The following CD109 variants were observed in gnomAD, a reference collection of about 807,000 sequenced individuals.
The protein encoded by CD109 is CD109 antigen.
In CD109, 149 loss-of-function variants were observed where a neutral mutation model predicts 165.8. The observed-to-expected ratio is 0.90, with a 90% confidence interval of 0.79 to 1.03. The LOEUF is 1.03. Among genes scored for constraint, CD109 ranks in the 50% least tolerant of loss-of-function variants. CD109 has a pLI of 0.00. For missense variants in CD109, 1,712 were observed against 1,677.8 expected (o/e 1.02, Z -0.36); for synonymous variants, 585 against 592.1 (o/e 0.99, Z 0.18).
At position 73,787,469 on chromosome 6, in the gene CD109, T is replaced by C; in HGVS notation, c.2556+17T>C. On this transcript the variant is annotated intron_variant, in intron 21 of 32. Transcript: ENST00000287097. ...TTAGTAAAGGTAAATATTTGATGTCTGAAAGAAGTGAAATGGAAATACGTA... is the reference window on the plus strand; with the variant it reads ...TTAGTAAAGGTAAATATTTGATGTCCGAAAGAAGTGAAATGGAAATACGTA... 1 of 1,557,392 alleles carries C rather than the reference T, an allele frequency of 6.4e-7. No homozygotes were observed. Among genetic ancestry groups the C allele is most frequent in the African/African-American group, 1.4e-5 (1 of 73,032 alleles).
chr6:73,808,003 A>G (rs1582193953), intron 25 of CD109, 80 bp from the exon 26 acceptor site: 1 of 1,269,714 alleles, frequency 7.9e-7, no homozygotes, highest in East Asian at 2.4e-5. Flanking sequence ...TTTTAAATGC[A>G]TGTTTCAAAG....
chr6:73,707,967 TATA>T (rs1562021817), intron 2 of CD109, among the ~76,000 whole-genome samples: 7 of 1,990 alleles, frequency 3.5e-3, no homozygotes, highest in African/African-American at 4.5e-3. Flanking sequence ...TATCTTTATA[TATA>T]TATATATATA....
At chr6:73,711,529 T>A in intron 2 of CD109, among the ~76,000 whole-genome samples, 1 of 22,342 alleles carries the variant, frequency 4.5e-5, no homozygotes, top group Admixed American at 7.0e-4. Context: ...AAAATCGTAC[T>A]TTAAGTTTTT....
At position 73,756,689 on chromosome 6, in the gene CD109, G is replaced by C; in HGVS notation, c.673+7G>C. The C allele has an allele frequency of 6.5e-7, 1 of 1,527,040 alleles. No individual in the cohort carries two copies. The allele number at this position is 1,527,040 out of a possible 1,614,324, so 94.6% of individuals were successfully genotyped here. A position where few individuals can be genotyped will look rare whatever the true frequency, so the allele number is the denominator to read the frequency against. ...TTTCAGGTTTCAGAATATGGTAAGAGTTCCTCAATCTATTTTGGAAGAAAA... is the reference window on the plus strand; with the variant it reads ...TTTCAGGTTTCAGAATATGGTAAGACTTCCTCAATCTATTTTGGAAGAAAA... On this transcript the variant is annotated splice_region_variant and intron_variant, in intron 6 of 32. Coordinates refer to ENST00000287097, the MANE Select transcript of CD109 (RefSeq NM_133493.5).
chr6:73,779,742 G>C (rs1435600688), intron 15 of CD109, among the ~76,000 whole-genome samples: 1 of 151,940 alleles, frequency 6.6e-6, no homozygotes, highest in Non-Finnish European at 1.5e-5. Context: ...TATATACCTA[G>C]GAGTGGAATT....
intron 2 of CD109, among the ~76,000 whole-genome samples, chr6:73,700,884 C>G (rs923188140): frequency 7.0e-6 from 1 of 142,292 alleles, no homozygotes; most frequent in African/African-American, 2.6e-5. Context: ...TCACTGCAAC[C>G]TCTGCCTCCC....
At chr6:73,747,047 C>A (rs1180578704) in intron 5 of CD109, among the ~76,000 whole-genome samples, 1 of 152,158 alleles carries the variant, frequency 6.6e-6, no homozygotes, top group Admixed American at 6.5e-5. Flanking sequence ...CTGTGCCCAT[C>A]TCATGCTTAT....
chr6:73,827,746 A>G lies in CD109; in HGVS notation c.*4113A>G, dbSNP rs1269359030. 1 of 152,220 alleles carries G rather than the reference A, an allele frequency of 6.6e-6. No homozygotes were observed. Among genetic ancestry groups the G allele is most frequent in the Non-Finnish European group, 1.5e-5 (1 of 68,038 alleles). 9.4% of individuals were successfully genotyped at this position (152,220 alleles called of 1,614,324 possible). A position where few individuals can be genotyped will look rare whatever the true frequency, so the allele number is the denominator to read the frequency against. On this transcript the variant is annotated 3_prime_UTR_variant, in exon 33 of 33. Coordinates refer to ENST00000287097, the MANE Select transcript of CD109 (RefSeq NM_133493.5). Reference sequence around the variant, plus strand: ...TTGTCATTTTCATTTCAGTTGTAACATAGGAAAATAGATATTTCCTAGATG... The same window carrying G: ...TTGTCATTTTCATTTCAGTTGTAACGTAGGAAAATAGATATTTCCTAGATG...
At chr6:73,692,206 T>C (rs1054970984), upstream of CD109, among the ~76,000 whole-genome samples, 5 of 151,986 alleles carry the variant, frequency 3.3e-5, no homozygotes, top group African/African-American at 1.2e-4. Flanking sequence ...GGGACACAGA[T>C]CCAAACCATA....
Position 73,730,579 on chromosome 6 carries a change from G to A in CD109, c.507+5G>A, listed in dbSNP as rs1188850503. 1.9e-6 allele frequency: 3 copies of A among 1,574,478 alleles called. No individual in the cohort carries two copies. The highest frequency in any genetic ancestry group is 1.1e-5 in the South Asian group (1 of 89,858). ...TCTTTAAACATTCTCATTAAGGTAA[G>A]TGCCAGACAGAAATGAAGCAAGGAA... On this transcript the variant is annotated splice_donor_5th_base_variant and intron_variant, in intron 4 of 32. Transcript: ENST00000287097.
At chr6:73,810,673 AAAAATCATTGTAC>A (rs945212991) in intron 27 of CD109, among the ~76,000 whole-genome samples, 1 of 138,560 alleles carries the variant, frequency 7.2e-6, no homozygotes, top group African/African-American at 2.5e-5. Flanking sequence ...TGTGGTATAA[AAAAATCATTGTAC>A]AGAAATCCAT....
chr6:73,758,892 G>T, intron 6 of CD109, 52 bp from the exon 7 acceptor site: 1 of 917,302 alleles, frequency 1.1e-6, no homozygotes. Context: ...ATTTACCCTT[G>T]CTTCTTCGTC....
intron 23 of CD109, among the ~76,000 whole-genome samples, chr6:73,801,879 G>C (rs1775369660): frequency 6.6e-6 from 1 of 152,178 alleles, no homozygotes; most frequent in African/African-American, 2.4e-5. Context: ...GCTAATAGTG[G>C]AATTGTGTAA....
Position 73,697,577 on chromosome 6 carries a change from G to A in CD109, c.247+5G>A. On this transcript the variant is annotated splice_donor_5th_base_variant and intron_variant, in intron 2 of 32. Transcript: ENST00000287097. ...CAGAAGGAGTCTTTGAAAAAGGTAA[G>A]ATAAACAGCATAAAGTCTTACCCTT... 2 of 1,612,364 alleles carry A rather than the reference G, an allele frequency of 1.2e-6. No homozygotes were observed. The highest frequency in any genetic ancestry group is 1.7e-4 in the Middle Eastern group (1 of 6,054).
intron 5 of CD109, 54 bp from the exon 6 acceptor site, chr6:73,756,589 A>G (rs1773400052): frequency 8.0e-7 from 1 of 1,244,078 alleles, no homozygotes; most frequent in Admixed American, 2.6e-5. Context: ...AAGCAAGCAA[A>G]ATAAATAAGA....
intron 27 of CD109, 118 bp from the exon 28 acceptor site, chr6:73,810,874 G>T: frequency 1.0e-6 from 1 of 959,352 alleles, no homozygotes. Context: ...TATGAATCAG[G>T]GAGCATTCCA....
chr6:73,705,266 C>A (rs1041094458), intron 2 of CD109, among the ~76,000 whole-genome samples: 1 of 151,990 alleles, frequency 6.6e-6, no homozygotes, highest in African/African-American at 2.4e-5. Flanking sequence ...CCTGGAAATA[C>A]ATAAGATGCA....
intron 5 of CD109, among the ~76,000 whole-genome samples, chr6:73,753,757 G>C (rs1773283148): frequency 6.6e-6 from 1 of 152,204 alleles, no homozygotes. Flanking sequence ...AGGTTACTCT[G>C]TGGGTCATTT....
intron 2 of CD109, among the ~76,000 whole-genome samples, chr6:73,716,784 G>GTGA (rs1208337894): frequency 4.6e-5 from 7 of 152,112 alleles, no homozygotes; most frequent in Non-Finnish European, 7.4e-5. Flanking sequence ...TTAACTTGAC[G>GTGA]TGATCCCATT....
Sources: allele counts gnomAD v4.1 joint callset (sites outside exome capture counted in the v4.1 genomes callset), GRCh38; gene constraint gnomAD v4.1.1; transcripts MANE v1.5; gene names NCBI Gene and HGNC (gene_info 2026-07-23, HGNC 2026-07-21).